The following DOCK9 variants were observed in gnomAD, a reference collection of about 807,000 sequenced individuals.
DOCK9 encodes dedicator of cytokinesis 9.
A neutral mutation model predicts 263.3 loss-of-function variants in DOCK9; 89 were observed. The ratio of observed to expected loss-of-function variants is 0.34; its 90% CI spans 0.28 to 0.40. The LOEUF (loss-of-function observed/expected upper bound fraction) is 0.40, where lower values mean the gene tolerates loss of function less well. Among genes scored for constraint, DOCK9 ranks in the 10% least tolerant of loss-of-function variants. DOCK9 has a pLI of 1.00. For synonymous variants in DOCK9, 976 were observed against 973.1 expected, an observed-to-expected ratio of 1.00 and a Z score of -0.06; for missense variants, 2,140 against 2,603.4, an observed-to-expected ratio of 0.82 and a Z score of 3.87.
intron 27 of DOCK9, 141 bp downstream of exon 27, chr13:98,879,757 C>T (rs1368097404): frequency 1.6e-6 from 1 of 607,728 alleles, no homozygotes; most frequent in Admixed American, 3.6e-5. Flanking sequence ...TGTTATGAAG[C>T]TAAAATGATT....
At chr13:98,947,171 T>C (rs1360061524) in intron 2 of DOCK9, among the ~76,000 whole-genome samples, 1 of 152,208 alleles carries the variant, frequency 6.6e-6, no homozygotes, top group East Asian at 1.9e-4. Context: ...ATTTATGTCA[T>C]GACACTGGTC....
intron 47 of DOCK9, chr13:98,808,493 A>C (rs2090967964): frequency 3.1e-6 from 2 of 644,338 alleles, no homozygotes; most frequent in South Asian, 3.5e-5. Flanking sequence ...AAAGTTTCTC[A>C]CGTAAATTAA....
In DOCK9 at chr13:98,992,532, T is replaced by A. The variant is rs201422185; in HGVS notation, c.130-36981A>T. On this transcript the variant is annotated intron_variant, in intron 1 of 32. Transcript: ENST00000427887. ...TAATCCTCACGTGTCATGGGAGAGA[T>A]CCGGTGGGAAGTAAGTGAATCATGG... Among the ~76,000 whole-genome samples the A allele has an allele frequency of 1.2e-4, 18 of 152,264 alleles. No individual in the cohort carries two copies. The East Asian group carries it at 3.5e-3, about 29-fold the overall frequency.
intron 2 of DOCK9, among the ~76,000 whole-genome samples, chr13:98,933,142 T>C (rs1262127985): frequency 6.6e-6 from 1 of 152,196 alleles, no homozygotes; most frequent in Non-Finnish European, 1.5e-5. Context: ...TTTTAAAACA[T>C]TCATGAAATA....
At chr13:98,887,122 A>ATT (rs1594980752) in intron 18 of DOCK9, among the ~76,000 whole-genome samples, 12 of 97,712 alleles carry the variant, frequency 1.2e-4, no homozygotes, top group African/African-American at 1.6e-4. Context: ...CAGATACTAT[A>ATT]TTTTATATAT....
At chr13:98,837,221 G>A (rs1042805755) in intron 39 of DOCK9, among the ~76,000 whole-genome samples, 5 of 152,090 alleles carry the variant, frequency 3.3e-5, no homozygotes, top group East Asian at 1.9e-4. Context: ...CTCAAGGTTC[G>A]AGCCAAGAGT....
chr13:98,808,760 TA>T (rs1419365553), intron 47 of DOCK9: 1 of 845,308 alleles, frequency 1.2e-6, no homozygotes, highest in African/African-American at 1.7e-5. Flanking sequence ...ATATATGTAT[TA>T]TAATTTATAC....
intron 3 of DOCK9, among the ~76,000 whole-genome samples, chr13:98,927,901 G>C (rs2053267321): frequency 6.6e-6 from 1 of 151,604 alleles, no homozygotes; most frequent in Non-Finnish European, 1.5e-5. Context: ...TTACAGGCGT[G>C]AGCCACTGCG....
At chr13:98,928,252 T>C (rs1483324484) in intron 3 of DOCK9, among the ~76,000 whole-genome samples, 1 of 152,234 alleles carries the variant, frequency 6.6e-6, no homozygotes, top group Non-Finnish European at 1.5e-5. Context: ...TGTGACTGAC[T>C]GATTATACGA....
chr13:98,934,554 C>T (rs2054506824), intron 2 of DOCK9, among the ~76,000 whole-genome samples: 1 of 152,116 alleles, frequency 6.6e-6, no homozygotes, highest in Non-Finnish European at 1.5e-5. Flanking sequence ...AAACAGAAAA[C>T]CAAAACAAGA....
intron 2 of DOCK9, among the ~76,000 whole-genome samples, chr13:98,944,552 C>T (rs2056454581): frequency 6.6e-6 from 1 of 152,126 alleles, no homozygotes; most frequent in African/African-American, 2.4e-5. Flanking sequence ...CTGAGGGCAC[C>T]ATTACACTGT....
At position 98,976,768 on chromosome 13, in the gene DOCK9, T is replaced by C. The variant is rs56122164; in HGVS notation, c.126+1016A>G. Among the ~76,000 whole-genome samples the C allele has an allele frequency of 2.7e-3, 407 of 152,344 alleles. 1 individual carries two copies. Among genetic ancestry groups the C allele is most frequent in the Non-Finnish European group, 3.8e-3 (261 of 68,026 alleles). The stretch of plus-strand genomic sequence containing the variant: ...CAGTTCAGGGTTAGCAATATAGTTT[T>C]GAAGGCAATAAAATATAGGGCAGTC... On this transcript the variant is annotated intron_variant, in intron 1 of 52. Transcript: ENST00000682017.
intron 15 of DOCK9, among the ~76,000 whole-genome samples, chr13:98,892,056 C>A (rs2046703000): frequency 6.6e-6 from 1 of 152,080 alleles, no homozygotes; most frequent in South Asian, 2.1e-4. Context: ...TACCTATATT[C>A]TATGCAAAAT....
At chr13:98,895,404 T>C (rs7317809) in intron 15 of DOCK9, among the ~76,000 whole-genome samples, 113,317 of 151,998 alleles carry the variant, frequency 0.75, 42,594 homozygotes, top group Middle Eastern at 0.9. Flanking sequence ...CGGTGGCTCA[T>C]GCCTGTAATC....
At chr13:98,805,778 T>C (rs1321232927) in intron 48 of DOCK9, among the ~76,000 whole-genome samples, 1 of 152,216 alleles carries the variant, frequency 6.6e-6, no homozygotes, top group Non-Finnish European at 1.5e-5. Flanking sequence ...TATTTTTTTT[T>C]GAGACAGAGT....
At position 98,826,903 on chromosome 13, in the gene DOCK9, C is replaced by T. The variant is rs758394383; in HGVS notation, c.4966-16G>A. On this transcript the variant is annotated splice_polypyrimidine_tract_variant and intron_variant, in intron 43 of 52. Coordinates refer to ENST00000682017, the MANE Select transcript of DOCK9 (RefSeq NM_001366683.2). ...ACATTGCTGCCTATAATAGAAGACA[C>T]ATGCCTCAGAATCATCATTCATAAC... 1.6e-5 allele frequency: 25 copies of T among 1,600,422 alleles called. No individual in the cohort carries two copies. In the South Asian group the frequency reaches 2.6e-4, roughly 17 times the overall value.
At chr13:98,882,151 T>C in intron 23 of DOCK9, 144 bp from the exon 24 acceptor site, 1 of 700,052 alleles carries the variant, frequency 1.4e-6, no homozygotes, top group East Asian at 2.7e-5. Flanking sequence ...CCCAGAGGCG[T>C]CTGTGTCTTA....
At chr13:98,877,700 C>T (rs959147167) in intron 27 of DOCK9, among the ~76,000 whole-genome samples, 4 of 152,158 alleles carry the variant, frequency 2.6e-5, no homozygotes, top group Admixed American at 6.5e-5. Flanking sequence ...TCAGAGCACT[C>T]GTCATGAGGT....
At chr13:98,859,749 G>GTATATATATATATATATA (rs772535372) in intron 33 of DOCK9, 61 of 136,794 alleles carry the variant, frequency 4.5e-4, no homozygotes, top group Non-Finnish European at 5.8e-4. Context: ...GTGTGTGTGT[G>GTATATATATATATATATA]TGTGTATATA....
Sources: gnomAD v4.1 joint callset for allele counts (sites outside exome capture counted in the v4.1 genomes callset) on GRCh38, gnomAD v4.1.1 for gene constraint, MANE v1.5 for transcripts, NCBI Gene and HGNC (gene_info 2026-07-23, HGNC 2026-07-21) for gene names.